LPP: variants seen among roughly 807,000 people sequenced by gnomAD.
LPP encodes lipoma-preferred partner.
In LPP, 38 loss-of-function variants were observed where a neutral mutation model predicts 60.4. The observed-to-expected ratio is 0.63, with a 90% CI of 0.49 to 0.83. The LOEUF (loss-of-function observed/expected upper bound fraction) is 0.83. Among genes scored for constraint, LPP ranks in the 40% least tolerant of loss-of-function variants. The probability of loss-of-function intolerance (pLI) is 0.00; values close to 1 mark genes in which losing one functional copy is unlikely to be tolerated. For missense variants in LPP, 902 were observed against 783.6 expected (o/e 1.15, Z -1.80); for synonymous variants, 328 against 290.8 (o/e 1.13, Z -1.30).
chr3:188,481,667 CAT>C (rs1222504873), intron 4 of LPP, among the ~76,000 whole-genome samples: 1 of 152,146 alleles, frequency 6.6e-6, no homozygotes. Flanking sequence ...TTCTTTATGA[CAT>C]AGTTTATTGA....
At chr3:188,407,768 G>GTTTTTTGTTTTTTTTTTTTTTTTT (rs1280628245) in intron 4 of LPP, among the ~76,000 whole-genome samples, 2 of 61,282 alleles carry the variant, frequency 3.3e-5, no homozygotes, top group Admixed American at 2.6e-4. Context: ...CTCATTTATG[G>GTTTTTTGTTTTTTTTTTTTTTTTT]TTTTTTTTTT....
intron 4 of LPP, among the ~76,000 whole-genome samples, chr3:188,461,520 A>C (rs929812400): frequency 6.6e-6 from 1 of 152,164 alleles, no homozygotes; most frequent in Admixed American, 6.5e-5. Context: ...TTTGTTTAAA[A>C]AACACCCAGA....
At chr3:188,519,189 G>C (rs1400195834) in intron 5 of LPP, among the ~76,000 whole-genome samples, 3 of 152,166 alleles carry the variant, frequency 2.0e-5, no homozygotes, top group Non-Finnish European at 2.9e-5. Flanking sequence ...GGTGAAATCT[G>C]GTACACACTA....
At chr3:188,867,190 GT>G (rs961051895) in intron 10 of LPP, among the ~76,000 whole-genome samples, 1 of 150,164 alleles carries the variant, frequency 6.7e-6, no homozygotes, top group Non-Finnish European at 1.5e-5. Context: ...AATTTAAACA[GT>G]TTTGTATTGT....
intron 2 of LPP, among the ~76,000 whole-genome samples, chr3:188,337,860 C>T (rs1046370890): frequency 3.9e-5 from 6 of 152,108 alleles, no homozygotes; most frequent in South Asian, 4.1e-4. Flanking sequence ...GTGAAAGAGA[C>T]GAGAGCTAGG....
intron 6 of LPP, among the ~76,000 whole-genome samples, chr3:188,588,318 C>T (rs1837934994): frequency 6.6e-6 from 1 of 152,168 alleles, no homozygotes; most frequent in Non-Finnish European, 1.5e-5. Context: ...GCTATCTCTA[C>T]AATGTATTAT....
At chr3:188,796,872 G>T (rs1039709579) in intron 9 of LPP, among the ~76,000 whole-genome samples, 6 of 152,046 alleles carry the variant, frequency 3.9e-5, no homozygotes, top group African/African-American at 1.4e-4. Context: ...AGACCCCATT[G>T]CAGTCCTCCC....
chr3:188,297,892 T>C (rs1748474060), intron 2 of LPP, among the ~76,000 whole-genome samples: 1 of 152,202 alleles, frequency 6.6e-6, no homozygotes, highest in Non-Finnish European at 1.5e-5. Context: ...ACATATGTCA[T>C]AGAAATGTAG....
intron 4 of LPP, among the ~76,000 whole-genome samples, chr3:188,449,152 C>T (rs1796015691): frequency 6.6e-6 from 1 of 152,158 alleles, no homozygotes; most frequent in African/African-American, 2.4e-5. Flanking sequence ...CGTCTGTTGA[C>T]ATGATTCCAT....
intron 3 of LPP, among the ~76,000 whole-genome samples, chr3:188,392,823 C>G (rs1780018734): frequency 6.6e-6 from 1 of 152,092 alleles, no homozygotes; most frequent in Non-Finnish European, 1.5e-5. Context: ...AAAACCCACC[C>G]AGACACAAGG....
chr3:188,828,939 G>A (rs772519575), intron 9 of LPP, among the ~76,000 whole-genome samples: 5 of 151,882 alleles, frequency 3.3e-5, no homozygotes, highest in Admixed American at 6.6e-5. Flanking sequence ...ATCTGACTTC[G>A]TGCCTCTAGT....
chr3:188,494,040 T>A (rs981743606), intron 5 of LPP, among the ~76,000 whole-genome samples: 1 of 152,194 alleles, frequency 6.6e-6, no homozygotes, highest in Non-Finnish European at 1.5e-5. Flanking sequence ...AGCTTGCACT[T>A]AAACCTTTAT....
Position 188,884,011 on chromosome 3 carries a change from AC to A in LPP, c.*9536del, listed in dbSNP as rs1770372906. Reference sequence around the variant, plus strand: ...GAAGACCATGATTGTGGCTTCTTCTACCCCAACTTTGAATGAGAGAGCACTG... The same window carrying A: ...GAAGACCATGATTGTGGCTTCTTCTACCCAACTTTGAATGAGAGAGCACTG... On this transcript the variant is annotated 3_prime_UTR_variant, in exon 12 of 12. Coordinates refer to ENST00000617246, the MANE Select transcript of LPP (RefSeq NM_001375462.1). 4.5e-6 allele frequency: 1 copy of A among 220,720 alleles called. No individual in the cohort carries two copies. Among genetic ancestry groups the A allele is most frequent in the African/African-American group, 2.2e-5 (1 of 44,754 alleles). The allele number at this position is 220,720 out of a possible 1,614,324, so 13.7% of individuals were successfully genotyped here.
chr3:188,860,737 C>T (rs1407380995), intron 9 of LPP, among the ~76,000 whole-genome samples: 2 of 152,158 alleles, frequency 1.3e-5, no homozygotes, highest in Non-Finnish European at 2.9e-5. Flanking sequence ...TGCAAGCATA[C>T]TGTTGTAGAT....
intron 7 of LPP, among the ~76,000 whole-genome samples, chr3:188,665,415 A>G (rs2149174724): frequency 6.7e-6 from 1 of 148,656 alleles, no homozygotes; most frequent in South Asian, 2.1e-4. Flanking sequence ...GAAAATTGTA[A>G]TTTCCTCTCT....
intron 2 of LPP, among the ~76,000 whole-genome samples, chr3:188,264,496 T>C (rs1425902899): frequency 1.3e-5 from 2 of 152,172 alleles, no homozygotes; most frequent in Non-Finnish European, 2.9e-5. Context: ...CCTTAAGTGG[T>C]ATAAAATGTA....
intron 1 of LPP, among the ~76,000 whole-genome samples, chr3:188,204,142 A>C (rs970426703): frequency 6.6e-6 from 1 of 152,046 alleles, no homozygotes; most frequent in Admixed American, 6.6e-5. Flanking sequence ...TTGCACTGAG[A>C]TTTGGAGGTA....
intron 8 of LPP, among the ~76,000 whole-genome samples, chr3:188,737,064 C>T (rs1364251966): frequency 1.3e-5 from 2 of 151,990 alleles, no homozygotes; most frequent in East Asian, 3.9e-4. Flanking sequence ...AAAATATAAA[C>T]GGAGTACTTC....
intron 3 of LPP, among the ~76,000 whole-genome samples, chr3:188,397,822 C>T (rs954275957): frequency 6.6e-6 from 1 of 152,074 alleles, no homozygotes; most frequent in African/African-American, 2.4e-5. Context: ...ACATGTTGGC[C>T]ATGCTGATCT....
Sources: gnomAD v4.1 joint callset for allele counts (sites outside exome capture counted in the v4.1 genomes callset) on GRCh38, gnomAD v4.1.1 for gene constraint, MANE v1.5 for transcripts, NCBI Gene and HGNC (gene_info 2026-07-23, HGNC 2026-07-21) for gene names.